Variants in ZNF423 observed in about 807,000 individuals in gnomAD.
ZNF423 encodes the protein Ebf-associated zinc finger protein.
A neutral mutation model predicts 95.8 loss-of-function variants in ZNF423; 12 were observed. That is an observed-to-expected ratio of 0.13 (90% CI 0.08 to 0.20). The LOEUF is 0.20. ZNF423 is among the 10% of genes least tolerant of loss of function. ZNF423 has a pLI of 1.00. For missense variants in ZNF423, 1,316 were observed against 1,737.1 expected (o/e 0.76, Z 4.31); for synonymous variants, 749 against 711.9 (o/e 1.05, Z -0.83).
At chr16:49,700,811 C>T (rs535068703) in intron 3 of ZNF423, among the ~76,000 whole-genome samples, 1 of 152,162 alleles carries the variant, frequency 6.6e-6, no homozygotes, top group Non-Finnish European at 1.5e-5. Flanking sequence ...GGTTGAACAC[C>T]GTCTGGGAGT....
At chr16:49,848,133 G>A (rs1006251065) in intron 1 of ZNF423, among the ~76,000 whole-genome samples, 1 of 151,940 alleles carries the variant, frequency 6.6e-6, no homozygotes, top group Non-Finnish European at 1.5e-5. Flanking sequence ...TGGTTAAGAT[G>A]GTAAATTTTA....
At chr16:49,815,910 A>ATTT (rs1567356495) in intron 1 of ZNF423, among the ~76,000 whole-genome samples, 2 of 40,564 alleles carry the variant, frequency 4.9e-5, no homozygotes, top group Non-Finnish European at 8.9e-5. Flanking sequence ...ATATATATAT[A>ATTT]TATATTTTTT....
chr16:49,749,020 G>A (rs1443778530), intron 2 of ZNF423, among the ~76,000 whole-genome samples: 3 of 152,210 alleles, frequency 2.0e-5, no homozygotes, highest in Admixed American at 2.0e-4. Context: ...TTTCTATGGA[G>A]TCCAGGGGCT....
At chr16:49,574,640 C>T (rs953505372) in intron 5 of ZNF423, among the ~76,000 whole-genome samples, 18 of 152,144 alleles carry the variant, frequency 1.2e-4, no homozygotes, top group African/African-American at 4.1e-4. Flanking sequence ...GCCACTGTTG[C>T]CTCCTGTCAT....
chr16:49,491,253 AG>A lies in ZNF423; in HGVS notation c.*21del. The A allele has an allele frequency of 1.2e-6, 2 of 1,614,000 alleles. No homozygotes were observed. The highest frequency in any genetic ancestry group is 1.3e-5 in the African/African-American group (1 of 75,030). ...CGTCTCCGGCAAGCCTTCTGCGGAGAGGTGTCCTGTTGAGCGATCCCTCACT... is the reference window on the plus strand; with the variant it reads ...CGTCTCCGGCAAGCCTTCTGCGGAGAGTGTCCTGTTGAGCGATCCCTCACT... On this transcript the variant is annotated 3_prime_UTR_variant, in exon 8 of 8. Transcript: ENST00000563137.
At chr16:49,783,631 G>T (rs937835334) in intron 2 of ZNF423, among the ~76,000 whole-genome samples, 1 of 144,738 alleles carries the variant, frequency 6.9e-6, no homozygotes, top group Non-Finnish European at 1.5e-5. Flanking sequence ...CGGGAGAGAG[G>T]GGGGGTTAGG....
At chr16:49,559,994 G>T (rs768569153) in intron 5 of ZNF423, among the ~76,000 whole-genome samples, 6 of 152,216 alleles carry the variant, frequency 3.9e-5, no homozygotes, top group East Asian at 1.9e-4. Flanking sequence ...AGGGCAAAAG[G>T]TGTGCCCAGA....
At chr16:49,528,858 C>A (rs1968729434) in intron 5 of ZNF423, among the ~76,000 whole-genome samples, 1 of 152,034 alleles carries the variant, frequency 6.6e-6, no homozygotes. Flanking sequence ...TGTGAGCCAG[C>A]CCATGGATAT....
intron 3 of ZNF423, among the ~76,000 whole-genome samples, chr16:49,694,482 T>C (rs1340984191): frequency 6.6e-6 from 1 of 152,202 alleles, no homozygotes; most frequent in Non-Finnish European, 1.5e-5. Context: ...TGAACACCTT[T>C]TTGGCCACAT....
intron 2 of ZNF423, among the ~76,000 whole-genome samples, chr16:49,739,909 A>C (rs2033378837): frequency 6.6e-6 from 1 of 151,686 alleles, no homozygotes; most frequent in Non-Finnish European, 1.5e-5. Context: ...CCCAGGCTGG[A>C]GTGTAGTGGC....
intron 1 of ZNF423, among the ~76,000 whole-genome samples, chr16:49,815,881 A>AAATATATAT (rs1185501557): frequency 6.3e-5 from 3 of 47,608 alleles, no homozygotes; most frequent in East Asian, 8.6e-4. Flanking sequence ...AAAAAAAAAA[A>AAATATATAT]ATATATATAT....
At chr16:49,791,412 G>A (rs951737255) in intron 1 of ZNF423, among the ~76,000 whole-genome samples, 3 of 152,334 alleles carry the variant, frequency 2.0e-5, no homozygotes, top group South Asian at 2.1e-4. Context: ...ATGCACGGAA[G>A]GAGCTGTTGT....
At chr16:49,795,675 A>G (rs773543203) in intron 1 of ZNF423, among the ~76,000 whole-genome samples, 1 of 152,134 alleles carries the variant, frequency 6.6e-6, no homozygotes, top group Non-Finnish European at 1.5e-5. Context: ...CCGCCCCCAC[A>G]GGGATGGAGG....
intron 5 of ZNF423, among the ~76,000 whole-genome samples, chr16:49,619,714 G>A (rs561047062): frequency 6.6e-6 from 1 of 152,354 alleles, no homozygotes; most frequent in South Asian, 2.1e-4. Flanking sequence ...CACATATTAA[G>A]GTTAGACAGA....
intron 5 of ZNF423, among the ~76,000 whole-genome samples, chr16:49,543,589 T>G (rs915708225): frequency 6.6e-6 from 1 of 152,102 alleles, no homozygotes; most frequent in Non-Finnish European, 1.5e-5. Flanking sequence ...CCCTGTCCTT[T>G]GGAGAGGCAC....
intron 7 of ZNF423, among the ~76,000 whole-genome samples, chr16:49,523,397 T>G (rs975914567): frequency 1.3e-5 from 2 of 152,254 alleles, no homozygotes; most frequent in Admixed American, 1.3e-4. Flanking sequence ...TGTAAGCTTC[T>G]GACTCCTGCT....
intron 3 of ZNF423, among the ~76,000 whole-genome samples, chr16:49,714,635 A>G (rs565627832): frequency 4.6e-5 from 7 of 151,580 alleles, no homozygotes. Flanking sequence ...GAAAAAAAAA[A>G]AAAACTGATG....
intron 2 of ZNF423, among the ~76,000 whole-genome samples, chr16:49,761,090 G>T (rs1279473889): frequency 6.6e-6 from 1 of 151,624 alleles, no homozygotes; most frequent in African/African-American, 2.4e-5. Context: ...CCTCTGAGAA[G>T]GCCCTTTGCC....
At chr16:49,514,736 C>T (rs954949109) in intron 7 of ZNF423, among the ~76,000 whole-genome samples, 9 of 152,224 alleles carry the variant, frequency 5.9e-5, no homozygotes, top group Non-Finnish European at 4.4e-5. Flanking sequence ...GCCCGCTCAA[C>T]GCTGGGCTGG....
Sources: gnomAD v4.1 joint callset for allele counts (sites outside exome capture counted in the v4.1 genomes callset) on GRCh38, gnomAD v4.1.1 for gene constraint, MANE v1.5 for transcripts, NCBI Gene and HGNC (gene_info 2026-07-23, HGNC 2026-07-21) for gene names.